The following COQ8B variants were observed in gnomAD, a reference collection of about 807,000 sequenced individuals.
The protein encoded by COQ8B is atypical kinase COQ8B, mitochondrial.
COQ8B carries 44 observed loss-of-function variants against 62.0 expected under a neutral mutation model. That is an observed-to-expected ratio of 0.71 (90% CI 0.56 to 0.91). COQ8B has a LOEUF of 0.91. Ranked by LOEUF, COQ8B falls within the 40% of genes least tolerant of loss-of-function variation. The pLI is 0.00. For synonymous variants in COQ8B, 252 were observed against 289.9 expected, an observed-to-expected ratio of 0.87 and a Z score of 1.33; for missense variants, 649 against 731.6, an observed-to-expected ratio of 0.89 and a Z score of 1.30.
intron 7 of COQ8B, 145 bp from the exon 8 acceptor site, chr19:40,704,000 A>G: frequency 9.1e-7 from 1 of 1,104,612 alleles, no homozygotes; most frequent in South Asian, 1.7e-5. Context: ...AGATGAGGAA[A>G]CTGAGGCTCA....
intron 1 of COQ8B, 96 bp downstream of exon 1, chr19:40,716,491 C>T (rs2082185800): frequency 6.6e-6 from 1 of 152,250 alleles, no homozygotes; most frequent in South Asian, 2.1e-4. Context: ...AAAATGGAGC[C>T]CTGGCATCCC....
intron 10 of COQ8B, among the ~76,000 whole-genome samples, chr19:40,701,785 C>T (rs1164567417): frequency 6.6e-6 from 1 of 152,132 alleles, no homozygotes; most frequent in African/African-American, 2.4e-5. Context: ...CTAACCACTG[C>T]CTTCTACTGA....
chr19:40,703,615 C>T lies in COQ8B; in HGVS notation c.725G>A (p.Gly242Asp). The change falls in exon 9 of 15, where the codon GGC becomes GAC. Residue 242 changes from glycine to aspartate, a missense_variant. Gly to Asp is a moderately conservative substitution (Grantham distance 94). Transcript: ENST00000324464. ...TEVAVKIQYPGIAQSIQSDVQ... is the reference protein window; with the variant it reads ...TEVAVKIQYPDIAQSIQSDVQ... ...ATCGCTCTGAATGCTCTGGGCTATG[C>T]CGGGGTACTGTAAAGGGAGAAGGGA... 2.5e-6 allele frequency: 4 copies of T among 1,612,622 alleles called. No individual in the cohort carries two copies. The highest frequency in any genetic ancestry group is 1.1e-5 in the South Asian group (1 of 90,934).
At chr19:40,712,254 T>G (rs1042432221) in intron 4 of COQ8B, among the ~76,000 whole-genome samples, 6 of 151,534 alleles carry the variant, frequency 4.0e-5, no homozygotes, top group Admixed American at 1.3e-4. Flanking sequence ...TTGACCAACA[T>G]GGTGAAACCC....
chr19:40,700,156 T>C lies in COQ8B; in HGVS notation c.1054A>G (p.Thr352Ala), dbSNP rs370946869. The C allele has an allele frequency of 6.2e-7, 1 of 1,614,184 alleles. No homozygotes were observed. Among genetic ancestry groups the C allele is most frequent in the African/African-American group, 1.3e-5 (1 of 75,050 alleles). ...LRNQICFQLL[T>A]LCLRELFEFR... The stretch of plus-strand genomic sequence containing the variant: ...TCAAACAGCTCCCGCAGACACAGCG[T>C]CAGGAGCTGGAAGCAAATCTGGGGT... The change falls in exon 12 of 15, where the codon ACG (threonine) becomes GCG (alanine). Residue 352 changes from threonine (T) to alanine (A), a missense_variant. Transcript: ENST00000324464.
In COQ8B at chr19:40,693,047, C is replaced by T. The variant is rs77801349; in HGVS notation, c.1210-10G>A. 2.4e-3 allele frequency: 3,816 copies of T among 1,612,808 alleles called. 47 individuals carry two copies. The African/African-American group carries it at 0.032, about 13-fold the overall frequency. ...CTGCAGCCTTCACCACCTGGGGAGA[C>T]GGGTGGGAGTTAGAGGGACAAAGGC... is the stretch of plus-strand genomic sequence containing the variant. On this transcript the variant is annotated splice_polypyrimidine_tract_variant and intron_variant, in intron 13 of 14. Transcript: ENST00000324464.
In COQ8B at chr19:40,691,835, G is replaced by A; in HGVS notation, c.*200C>T. 1 of 442,088 alleles carries A rather than the reference G, an allele frequency of 2.3e-6. No homozygotes were observed. The highest frequency in any genetic ancestry group is 5.9e-4 in the Middle Eastern group (1 of 1,702). The allele number at this position is 442,088 out of a possible 1,614,324, so 27.4% of individuals were successfully genotyped here. On this transcript the variant is annotated 3_prime_UTR_variant, in exon 15 of 15. Coordinates refer to ENST00000324464, the MANE Select transcript of COQ8B (RefSeq NM_024876.4). ...TTAGTTTTCGGATACCCACTTTCGAGTGGGGAGGTGCAGGATCTAGGGCAC... is the reference window on the plus strand; with the variant it reads ...TTAGTTTTCGGATACCCACTTTCGAATGGGGAGGTGCAGGATCTAGGGCAC...
At chr19:40,694,205 T>C (rs1313768116) in intron 13 of COQ8B, among the ~76,000 whole-genome samples, 5 of 152,102 alleles carry the variant, frequency 3.3e-5, no homozygotes, top group Non-Finnish European at 7.4e-5. Flanking sequence ...CCTAGACACC[T>C]CTGTCCCCAA....
chr19:40,714,749 A>G, intron 1 of COQ8B, 114 bp from the exon 2 acceptor site: 1 of 1,302,784 alleles, frequency 7.7e-7, no homozygotes, highest in Non-Finnish European at 1.0e-6. Context: ...TACTTCCTCC[A>G]CTATTAATAG....
At chr19:40,715,704 C>T in intron 1 of COQ8B, 1 of 798,890 alleles carries the variant, frequency 1.3e-6, no homozygotes, top group Non-Finnish European at 1.5e-6. Flanking sequence ...GCTCCCCGCC[C>T]ACCTGCGGAA....
chr19:40,710,698 C>T (rs2082134177), intron 4 of COQ8B, among the ~76,000 whole-genome samples: 1 of 152,174 alleles, frequency 6.6e-6, no homozygotes, highest in African/African-American at 2.4e-5. Flanking sequence ...CCTGGCTGCA[C>T]ATTCCAGTTA....
chr19:40,702,495 G>T, intron 10 of COQ8B, 105 bp downstream of exon 10: 2 of 1,020,126 alleles, frequency 2.0e-6, no homozygotes, highest in Non-Finnish European at 3.1e-6. Flanking sequence ...GAAAGAGAGA[G>T]TTTGCCCTAC....
At chr19:40,695,092 A>C (rs181087027) in intron 13 of COQ8B, among the ~76,000 whole-genome samples, 2 of 152,120 alleles carry the variant, frequency 1.3e-5, no homozygotes, top group Admixed American at 6.6e-5. Flanking sequence ...CCAAGGCAGG[A>C]GGATCACCTG....
At chr19:40,697,845 T>TAGAGAGAGAGAGAGAGAGAGAGAGAGAG (rs1370534076) in intron 12 of COQ8B, among the ~76,000 whole-genome samples, 1 of 52,506 alleles carries the variant, frequency 1.9e-5, no homozygotes, top group African/African-American at 9.1e-5. Flanking sequence ...TATATATATA[T>TAGAGAGAGAGAGAGAGAGAGAGAGAGAG]ATATATAGAG....
intron 12 of COQ8B, among the ~76,000 whole-genome samples, chr19:40,698,804 C>A (rs765994456): frequency 1.3e-5 from 2 of 152,072 alleles, no homozygotes; most frequent in Non-Finnish European, 2.9e-5. Context: ...AGAAAGACCC[C>A]TCTGGGGACA....
intron 1 of COQ8B, chr19:40,715,870 T>TGTGTGCGC (rs1491577261): frequency 1.4e-5 from 2 of 143,092 alleles, no homozygotes; most frequent in African/African-American, 5.2e-5. Flanking sequence ...TGTGTGTGTG[T>TGTGTGCGC]GCGCGCGCGC....
intron 10 of COQ8B, chr19:40,700,764 T>C (rs1471907587): frequency 5.8e-6 from 2 of 344,264 alleles, no homozygotes; most frequent in Non-Finnish European, 1.1e-5. Context: ...TTCAGGTGTA[T>C]TTCAGCCTTT....
intron 4 of COQ8B, among the ~76,000 whole-genome samples, chr19:40,710,536 C>T (rs1001789009): frequency 2.0e-5 from 3 of 152,164 alleles, no homozygotes; most frequent in African/African-American, 7.2e-5. Context: ...AGGCATGAGA[C>T]ACCGCACTCA....
At chr19:40,707,042 C>T (rs1454105058) in intron 5 of COQ8B, among the ~76,000 whole-genome samples, 1 of 152,010 alleles carries the variant, frequency 6.6e-6, no homozygotes, top group African/African-American at 2.4e-5. Context: ...GACGTCGGGG[C>T]GGGATCACTT....
Sources: gnomAD v4.1 joint callset for allele counts (sites outside exome capture counted in the v4.1 genomes callset) on GRCh38, gnomAD v4.1.1 for gene constraint, MANE v1.5 for transcripts, NCBI Gene and HGNC (gene_info 2026-07-23, HGNC 2026-07-21) for gene names.